The following SEMA6D variants were observed in gnomAD, a reference collection of about 807,000 sequenced individuals.
SEMA6D encodes the protein semaphorin 6D.
In SEMA6D, 35 loss-of-function variants were observed where a neutral mutation model predicts 106.6. That is an observed-to-expected ratio of 0.33 (90% CI 0.25 to 0.44). The LOEUF is 0.44. SEMA6D is among the 20% of genes least tolerant of loss of function. SEMA6D has a pLI of 1.00. For synonymous variants in SEMA6D, 499 were observed against 487.7 expected, an observed-to-expected ratio of 1.02 and a Z score of -0.31; for missense variants, 1,185 against 1,345.9, an observed-to-expected ratio of 0.88 and a Z score of 1.87.
intron 1 of SEMA6D, among the ~76,000 whole-genome samples, chr15:47,283,535 C>T (rs986106870): frequency 1.3e-5 from 2 of 152,164 alleles, no homozygotes; most frequent in African/African-American, 2.4e-5. Context: ...AAATCTCTTA[C>T]GTTGGCAGCT....
chr15:47,377,152 C>A (rs1429648993), intron 1 of SEMA6D, among the ~76,000 whole-genome samples: 2 of 152,062 alleles, frequency 1.3e-5, no homozygotes, highest in Non-Finnish European at 2.9e-5. Context: ...TTTAAATGAG[C>A]AAATTAATAA....
intron 4 of SEMA6D, among the ~76,000 whole-genome samples, chr15:47,675,843 C>T (rs1213092446): frequency 6.6e-6 from 1 of 151,442 alleles, no homozygotes; most frequent in African/African-American, 2.4e-5. Context: ...CCCTGTACTG[C>T]AGGGAAGCTG....
At chr15:47,456,209 C>G (rs2140983188) in intron 2 of SEMA6D, among the ~76,000 whole-genome samples, 1 of 151,972 alleles carries the variant, frequency 6.6e-6, no homozygotes, top group South Asian at 2.1e-4. Context: ...ATTGAAGAAC[C>G]AGGTGGCTTT....
chr15:47,721,050 G>A (rs745039), intron 1 of SEMA6D, among the ~76,000 whole-genome samples: 48 of 152,198 alleles, frequency 3.2e-4, no homozygotes, highest in Non-Finnish European at 5.6e-4. Context: ...TGCCAACTAG[G>A]CAGTATTTAC....
Position 47,765,044 on chromosome 15 carries a change from A to G in SEMA6D, c.1415A>G (p.Tyr472Cys), listed in dbSNP as rs986581094. Residue 472 changes from tyrosine (Y) to cysteine (C), a missense_variant, in exon 13 of 19, where the codon TAC becomes TGC. Around this residue, in one of 3 missense-constraint regions of SEMA6D, gnomAD observed 750 missense variants for 783.5 expected, o/e 0.96. Coordinates refer to ENST00000536845, the MANE Select transcript of SEMA6D (RefSeq NM_001358351.3). ...GTATTACTGGAAGAGATTGAAGCCT[A>G]CAACCATGCAAAGTAGGTATATGTT... The part of the protein sequence containing the change: ...DSVLLEEIEA[Y>C]NHAKCSAENE... The G allele has an allele frequency of 5.0e-6, 8 of 1,613,680 alleles. No individual in the cohort carries two copies. The highest frequency in any genetic ancestry group is 3.3e-5 in the Admixed American group (2 of 60,004).
chr15:47,207,147 C>G (rs978180860), intron 1 of SEMA6D, among the ~76,000 whole-genome samples: 1 of 152,026 alleles, frequency 6.6e-6, no homozygotes, highest in African/African-American at 2.4e-5. Context: ...AGGGAGCCAG[C>G]CTTGAAAGAA....
intron 1 of SEMA6D, among the ~76,000 whole-genome samples, chr15:47,348,203 C>T (rs1308609541): frequency 6.6e-6 from 1 of 152,108 alleles, no homozygotes; most frequent in East Asian, 1.9e-4. Flanking sequence ...ACTGATTGTG[C>T]TTCATGAGCT....
intron 1 of SEMA6D, among the ~76,000 whole-genome samples, chr15:47,342,943 C>T (rs1341403459): frequency 2.6e-5 from 4 of 152,132 alleles, no homozygotes; most frequent in African/African-American, 9.7e-5. Context: ...CGACTCCTCA[C>T]CTCATGTGAT....
intron 4 of SEMA6D, among the ~76,000 whole-genome samples, chr15:47,641,206 G>C (rs1012508282): frequency 1.3e-5 from 2 of 151,656 alleles, no homozygotes; most frequent in Non-Finnish European, 2.9e-5. Flanking sequence ...AATGGCCATG[G>C]CCAGCAGCAG....
chr15:47,301,916 C>T (rs2036038313), intron 1 of SEMA6D, among the ~76,000 whole-genome samples: 1 of 152,100 alleles, frequency 6.6e-6, no homozygotes, highest in Non-Finnish European at 1.5e-5. Context: ...ATAAGACTAA[C>T]CTGTGTAGAA....
chr15:47,198,013 C>T (rs1266225839), intron 1 of SEMA6D, among the ~76,000 whole-genome samples: 2 of 152,106 alleles, frequency 1.3e-5, no homozygotes, highest in Non-Finnish European at 2.9e-5. Flanking sequence ...ACACATGTAA[C>T]ATAATGCCCT....
At position 47,480,957 on chromosome 15, in the gene SEMA6D, T is replaced by G. The variant is rs186730533; in HGVS notation, c.-87+10412T>G. Among the ~76,000 whole-genome samples, 161 of 151,938 alleles carry G rather than the reference T, an allele frequency of 1.1e-3. 1 individual carries two copies. The highest frequency in any genetic ancestry group is 3.8e-3 in the African/African-American group (155 of 41,238). ...GGTTATGTGCACCTTTGTGTTTTCA[T>G]TGCCCTTTGATCATACTTTCATCTT... On this transcript the variant is annotated intron_variant, in intron 3 of 19. Coordinates refer to the SEMA6D transcript ENST00000558014.
At chr15:47,329,644 C>T (rs2144036241) in intron 1 of SEMA6D, among the ~76,000 whole-genome samples, 1 of 152,186 alleles carries the variant, frequency 6.6e-6, no homozygotes, top group South Asian at 2.1e-4. Flanking sequence ...TATCTCTTTT[C>T]CCTCCCTTTG....
At chr15:47,239,154 C>T (rs1477426347) in intron 1 of SEMA6D, among the ~76,000 whole-genome samples, 1 of 152,192 alleles carries the variant, frequency 6.6e-6, no homozygotes, top group South Asian at 2.1e-4. Flanking sequence ...GAGCATGAAC[C>T]CTATTGTGAA....
intron 1 of SEMA6D, among the ~76,000 whole-genome samples, chr15:47,298,896 C>G (rs1191779991): frequency 6.6e-6 from 1 of 152,146 alleles, no homozygotes; most frequent in African/African-American, 2.4e-5. Flanking sequence ...TTGCTTTAGA[C>G]ATTGTGCTGC....
At chr15:47,398,294 G>T (rs1046781650) in intron 1 of SEMA6D, among the ~76,000 whole-genome samples, 1 of 152,184 alleles carries the variant, frequency 6.6e-6, no homozygotes, top group Non-Finnish European at 1.5e-5. Flanking sequence ...GGCCGGAGAT[G>T]TTCTTTCTTC....
chr15:47,456,527 A>G (rs1487656050), intron 2 of SEMA6D, among the ~76,000 whole-genome samples: 2 of 152,054 alleles, frequency 1.3e-5, no homozygotes, highest in African/African-American at 2.4e-5. Context: ...CAACATTATA[A>G]TAAAGAAGTA....
intron 4 of SEMA6D, among the ~76,000 whole-genome samples, chr15:47,666,676 A>G (rs572688627): frequency 6.6e-6 from 1 of 152,278 alleles, no homozygotes; most frequent in South Asian, 2.1e-4. Context: ...ATACAGCTAA[A>G]TTGCTCTCAC....
At chr15:47,461,579 TTAA>T (rs1428536206) in intron 2 of SEMA6D, among the ~76,000 whole-genome samples, 3 of 151,990 alleles carry the variant, frequency 2.0e-5, no homozygotes, top group Admixed American at 6.6e-5. Flanking sequence ...AAAAATAATA[TTAA>T]TAATAATAAT....
Sources: gnomAD v4.1 joint callset for allele counts (sites outside exome capture counted in the v4.1 genomes callset) on GRCh38, gnomAD v4.1.1 for gene constraint, gnomAD v4.1.1 regional missense constraint, MANE v1.5 for transcripts, NCBI Gene and HGNC (gene_info 2026-07-23, HGNC 2026-07-21) for gene names.